SATB2: variants seen among roughly 807,000 people sequenced by gnomAD.
SATB2 encodes the protein DNA-binding protein SATB2.
Under a neutral mutation model 73.4 loss-of-function variants are expected in SATB2, and 1 was observed. The ratio of observed to expected loss-of-function variants is 0.01; its 90% CI spans 0.00 to 0.06. The LOEUF is 0.06. Among genes scored for constraint, SATB2 ranks in the 10% least tolerant of loss-of-function variants. SATB2 has a pLI of 1.00. For missense variants in SATB2, 459 were observed against 945.8 expected (o/e 0.49, Z 6.75); for synonymous variants, 397 against 367.0 (o/e 1.08, Z -0.93).
chr2:199,344,465 T>C (rs1204710993), intron 7 of SATB2, among the ~76,000 whole-genome samples: 1 of 152,218 alleles, frequency 6.6e-6, no homozygotes, highest in East Asian at 1.9e-4. Flanking sequence ...CTGGAACATG[T>C]GAGAGTCTCT....
intron 3 of SATB2, among the ~76,000 whole-genome samples, chr2:199,427,419 A>AT (rs1374222044): frequency 6.6e-6 from 1 of 152,170 alleles, no homozygotes; most frequent in African/African-American, 2.4e-5. Context: ...CTAAAAAAAA[A>AT]ATTACAAAAT....
intron 10 of SATB2, among the ~76,000 whole-genome samples, chr2:199,291,076 A>G (rs768558632): frequency 7.2e-5 from 11 of 152,262 alleles, no homozygotes; most frequent in Non-Finnish European, 1.0e-4. Flanking sequence ...ATACTATAGA[A>G]AACACTGAAT....
At chr2:199,429,005 CAAAA>C (rs575684723) in intron 3 of SATB2, among the ~76,000 whole-genome samples, 5 of 62,660 alleles carry the variant, frequency 8.0e-5, no homozygotes, top group Admixed American at 1.8e-4. Context: ...GACTCTGTCT[CAAAA>C]AAAAAAAAAA....
intron 7 of SATB2, among the ~76,000 whole-genome samples, chr2:199,332,757 G>T (rs1462716695): frequency 6.6e-6 from 1 of 152,052 alleles, no homozygotes; most frequent in Non-Finnish European, 1.5e-5. Context: ...CAAATTGTTA[G>T]CATGTACAAT....
In SATB2 at chr2:199,457,118, G is replaced by C. The variant is rs1281396523; in HGVS notation, c.-60+221C>G. 2.6e-5 allele frequency among the ~76,000 whole-genome samples: 4 copies of C among 152,164 alleles called. No individual in the cohort carries two copies. The highest frequency in any genetic ancestry group is 7.2e-5 in the African/African-American group (3 of 41,452). On this transcript the variant is annotated intron_variant, in intron 1 of 10. Coordinates refer to ENST00000417098, the MANE Select transcript of SATB2 (RefSeq NM_001172509.2). The surrounding 1 kb of genome is among the most constrained non-coding windows in gnomAD (Gnocchi z 4.8). ...GCGCTCTGGCCGCGCGAGCAGTGTCGGCGCCACGGGTCAAGGAGACAAGGT... is the reference window on the plus strand; with the variant it reads ...GCGCTCTGGCCGCGCGAGCAGTGTCCGCGCCACGGGTCAAGGAGACAAGGT...
intron 3 of SATB2, among the ~76,000 whole-genome samples, chr2:199,431,723 AG>A (rs1157701498): frequency 6.6e-6 from 1 of 152,122 alleles, no homozygotes; most frequent in Admixed American, 6.5e-5. Flanking sequence ...CCCTTCCCTC[AG>A]TATGTGCCAA....
intron 5 of SATB2, among the ~76,000 whole-genome samples, chr2:199,372,441 G>C (rs1326491407): frequency 6.6e-6 from 1 of 151,976 alleles, no homozygotes; most frequent in Non-Finnish European, 1.5e-5. Context: ...TTTTCTTTTA[G>C]GTTCCTGAAA....
intron 9 of SATB2, among the ~76,000 whole-genome samples, chr2:199,311,698 C>T (rs1687600454): frequency 1.3e-5 from 2 of 151,994 alleles, no homozygotes; most frequent in South Asian, 4.2e-4. Context: ...CATGATTTAC[C>T]TTCCCCTCAC....
rs1364150345 is a variant in SATB2 at position 199,349,077 on chromosome 2, T to C, written c.797A>G (p.Lys266Arg). ...GCTGTGAGGAGACTGTTCGTTGGTT[T>C]TCCCCAGGGATGCCAGCTGGTTCAT... ...PNMNQLASLG[K>R]TNEQSPHSQI... is the part of the protein sequence containing the mutation. The change falls in exon 7 of 11, where the codon AAA (lysine) becomes AGA (arginine). Residue 266 changes from lysine to arginine, a missense_variant. Physicochemically the swap from Lys to Arg is conservative, Grantham distance 26. Coordinates refer to ENST00000417098, the MANE Select transcript of SATB2 (RefSeq NM_001172509.2). 2 of 1,614,112 alleles carry C rather than the reference T, an allele frequency of 1.2e-6. No homozygotes were observed. Among genetic ancestry groups the C allele is most frequent in the Middle Eastern group, 1.7e-4 (1 of 6,060 alleles).
At chr2:199,357,809 G>T (rs566666810) in intron 6 of SATB2, among the ~76,000 whole-genome samples, 1 of 152,138 alleles carries the variant, frequency 6.6e-6, no homozygotes, top group East Asian at 1.9e-4. Flanking sequence ...ACTCCCACCT[G>T]ACTGATGAAA....
At chr2:199,427,067 G>A (rs574699613) in intron 3 of SATB2, among the ~76,000 whole-genome samples, 7 of 152,082 alleles carry the variant, frequency 4.6e-5, no homozygotes, top group East Asian at 1.9e-4. Flanking sequence ...TAGTAGAGAC[G>A]GGGTTTTGCC....
intron 3 of SATB2, among the ~76,000 whole-genome samples, chr2:199,425,536 C>T (rs1404400679): frequency 6.6e-6 from 1 of 152,044 alleles, no homozygotes; most frequent in African/African-American, 2.4e-5. Flanking sequence ...AAAGTGAGAT[C>T]GCACATTCAT....
chr2:199,277,746 C>T (rs1225447780), intron 10 of SATB2, among the ~76,000 whole-genome samples: 1 of 152,074 alleles, frequency 6.6e-6, no homozygotes, highest in Non-Finnish European at 1.5e-5. Flanking sequence ...ATAAAGCTTA[C>T]TCATGAGACA....
chr2:199,331,396 T>A (rs1688187142), intron 7 of SATB2, among the ~76,000 whole-genome samples: 1 of 152,128 alleles, frequency 6.6e-6, no homozygotes, highest in Non-Finnish European at 1.5e-5. Flanking sequence ...TAAAGGGTGG[T>A]GGAATATACT....
At chr2:199,426,852 T>A (rs1255339841) in intron 3 of SATB2, among the ~76,000 whole-genome samples, 1 of 152,072 alleles carries the variant, frequency 6.6e-6, no homozygotes, top group African/African-American at 2.4e-5. Flanking sequence ...TTTAGAGACA[T>A]CTATTTATTT....
chr2:199,348,889 G>A lies in SATB2; in HGVS notation c.985C>T (p.His329Tyr). 1 of 1,614,152 alleles carries A rather than the reference G, an allele frequency of 6.2e-7. No homozygotes were observed. The highest frequency in any genetic ancestry group is 8.5e-7 in the Non-Finnish European group (1 of 1,180,018). Residue 329 changes from histidine (H) to tyrosine (Y), a missense_variant, in exon 7 of 11, where the codon CAC (histidine) becomes TAC (tyrosine). Coordinates refer to ENST00000417098, the MANE Select transcript of SATB2 (RefSeq NM_001172509.2). ...QQIAVSRLLAHQHPQAINQQF... is the reference protein window; with the variant it reads ...QQIAVSRLLAYQHPQAINQQF... ...TGGTTGATGGCTTGAGGATGCTGGT[G>A]AGCCAGGAGCCGGCTAACGGCAATC...
chr2:199,326,502 A>G (rs933253911), intron 8 of SATB2, among the ~76,000 whole-genome samples: 26 of 152,072 alleles, frequency 1.7e-4, no homozygotes, highest in African/African-American at 6.0e-4. Flanking sequence ...GTCTTTGAAA[A>G]GGTGCCTACG....
chr2:199,459,696 A>G (rs1243022494), upstream of SATB2: 2 of 152,788 alleles, frequency 1.3e-5, no homozygotes, highest in East Asian at 1.9e-4. This position sits in a 1 kb window ranked among gnomAD's most constrained non-coding sequence, Gnocchi z 4.2. Context: ...ATCCCCCTTA[A>G]GAAGCGTTGA....
At chr2:199,468,698 G>A (rs1028481274), upstream of SATB2, among the ~76,000 whole-genome samples, 1 of 152,218 alleles carries the variant, frequency 6.6e-6, no homozygotes, top group African/African-American at 2.4e-5. Flanking sequence ...GCTGTTGGCA[G>A]TTGCGGCTGA....
Sources: gnomAD v4.1 joint callset for allele counts (sites outside exome capture counted in the v4.1 genomes callset) on GRCh38, gnomAD v4.1.1 for gene constraint, Gnocchi (gnomAD v3.1) non-coding constraint, MANE v1.5 for transcripts, NCBI Gene and HGNC (gene_info 2026-07-23, HGNC 2026-07-21) for gene names.